IFRD1: variants seen among roughly 807,000 people sequenced by gnomAD.
The protein encoded by IFRD1 is interferon related developmental regulator 1, also known as interferon-related developmental regulator 1.
In IFRD1, 35 loss-of-function variants were observed where a neutral mutation model predicts 52.9. The ratio of observed to expected loss-of-function variants is 0.66; its 90% CI spans 0.51 to 0.88. The LOEUF (loss-of-function observed/expected upper bound fraction) is 0.88. Among genes scored for constraint, IFRD1 ranks in the 40% least tolerant of loss-of-function variants. The pLI, the probability that IFRD1 is intolerant of heterozygous loss-of-function variation, is 0.00. For synonymous variants in IFRD1, 184 were observed against 188.4 expected, an observed-to-expected ratio of 0.98 and a Z score of 0.19; for missense variants, 517 against 550.8, an observed-to-expected ratio of 0.94 and a Z score of 0.61.
chr7:112,450,429 C>T (rs1302072942), upstream of IFRD1: 9 of 526,914 alleles, frequency 1.7e-5, no homozygotes, highest in Non-Finnish European at 3.1e-5. Context: ...GGCGGTATTG[C>T]TACTTAAGGC....
chr7:112,440,916 G>A (rs1291364307), intron 1 of IFRD1, among the ~76,000 whole-genome samples: 2 of 152,130 alleles, frequency 1.3e-5, no homozygotes, highest in Admixed American at 6.5e-5. Flanking sequence ...TGGGCGGACT[G>A]TGTGAGTCCA....
chr7:112,434,265 TGAACA>T (rs1428486231), intron 1 of IFRD1, among the ~76,000 whole-genome samples: 1 of 152,140 alleles, frequency 6.6e-6, no homozygotes, highest in Non-Finnish European at 1.5e-5. Flanking sequence ...TTTTGTGCAC[TGAACA>T]TAGGTACCAA....
chr7:112,472,373 T>A (rs1410746993), intron 10 of IFRD1, 26 bp downstream of exon 10: 3 of 1,613,754 alleles, frequency 1.9e-6, no homozygotes, highest in Middle Eastern at 3.3e-4. Flanking sequence ...TCTACATATT[T>A]GCTTTTAAAG....
intron 1 of IFRD1, among the ~76,000 whole-genome samples, chr7:112,436,518 T>C (rs932700933): frequency 3.9e-5 from 6 of 152,068 alleles, no homozygotes; most frequent in Admixed American, 3.3e-4. Context: ...TCAACAAATA[T>C]TTGTTGAGTG....
At chr7:112,424,008 T>C (rs918363096) in intron 1 of IFRD1, among the ~76,000 whole-genome samples, 1 of 152,180 alleles carries the variant, frequency 6.6e-6, no homozygotes, top group Non-Finnish European at 1.5e-5. Context: ...GAAAGTGATT[T>C]ATTCCAAAGC....
upstream of IFRD1, among the ~76,000 whole-genome samples, chr7:112,448,534 G>A (rs1420940714): frequency 6.6e-6 from 1 of 152,198 alleles, no homozygotes; most frequent in Non-Finnish European, 1.5e-5. Context: ...CCCTGTCACT[G>A]AGTTGCAGTG....
rs528278676 is a variant in IFRD1 at position 112,443,534 on chromosome 7, G to C, written c.-181-6974G>C. On this transcript the variant is annotated intron_variant, in intron 1 of 12. Transcript: ENST00000005558. ...TGCAGTGAGCTGTGATGGCACCACT[G>C]TACTCCAGCCTGGATGACAGAGGGA... Among the ~76,000 whole-genome samples the C allele has an allele frequency of 8.1e-4, 122 of 151,378 alleles. 1 individual carries two copies. The highest frequency in any genetic ancestry group is 2.7e-3 in the African/African-American group (112 of 41,222).
chr7:112,464,377 T>G (rs1795557300), intron 8 of IFRD1, among the ~76,000 whole-genome samples: 1 of 136,912 alleles, frequency 7.3e-6, no homozygotes, highest in Non-Finnish European at 1.7e-5. Context: ...TATTACTCCT[T>G]TATGAGAGTT....
intron 1 of IFRD1, among the ~76,000 whole-genome samples, chr7:112,451,687 T>C (rs924558772): frequency 5.3e-5 from 8 of 152,168 alleles, no homozygotes; most frequent in Non-Finnish European, 1.0e-4. Flanking sequence ...AGGATTCCAA[T>C]TGGAATTGGA....
chr7:112,460,794 G>C (rs557315207), intron 5 of IFRD1, among the ~76,000 whole-genome samples: 1 of 152,042 alleles, frequency 6.6e-6, no homozygotes, highest in African/African-American at 2.4e-5. Flanking sequence ...ACCTGGGCCT[G>C]ATACCAATGG....
At chr7:112,454,857 GTTTTTTTTTTTTTT>G (rs398005875) in intron 1 of IFRD1, among the ~76,000 whole-genome samples, 1 of 78,810 alleles carries the variant, frequency 1.3e-5, no homozygotes, top group African/African-American at 5.0e-5. Context: ...CTTCATATCA[GTTTTTTTTTTTTTT>G]TTTTTTTTTT....
chr7:112,448,537 T>C (rs948788674), upstream of IFRD1, among the ~76,000 whole-genome samples: 2 of 152,220 alleles, frequency 1.3e-5, no homozygotes, highest in African/African-American at 4.8e-5. Context: ...TGTCACTGAG[T>C]TGCAGTGTGC....
In IFRD1 at chr7:112,475,687, A is replaced by C; in HGVS notation, c.*168A>C. On this transcript the variant is annotated 3_prime_UTR_variant, in exon 12 of 12. Transcript: ENST00000403825. ...ATACTATTGAAACTGGTGAGTTCTGATTATTAAATATTCTCTGTAAATCAG... is the reference window on the plus strand; with the variant it reads ...ATACTATTGAAACTGGTGAGTTCTGCTTATTAAATATTCTCTGTAAATCAG... The C allele has an allele frequency of 1.7e-6, 1 of 580,224 alleles. No homozygotes were observed. The highest frequency in any genetic ancestry group is 3.2e-5 in the Admixed American group (1 of 31,218). 35.9% of individuals were successfully genotyped at this position (580,224 alleles called of 1,614,324 possible). A position where few individuals can be genotyped will look rare whatever the true frequency, so the allele number is the denominator to read the frequency against.
chr7:112,449,763 C>T (rs546291997), upstream of IFRD1, among the ~76,000 whole-genome samples: 16 of 142,052 alleles, frequency 1.1e-4, no homozygotes, highest in South Asian at 1.1e-3. Context: ...TCATATATTC[C>T]TAGTCTAGAA....
intron 1 of IFRD1, among the ~76,000 whole-genome samples, chr7:112,454,533 T>C (rs1795241178): frequency 6.6e-6 from 1 of 152,166 alleles, no homozygotes; most frequent in Non-Finnish European, 1.5e-5. Flanking sequence ...GTAGAAACTT[T>C]CCCTTAAAGG....
rs2117344684 is a variant in IFRD1, at chr7:112,475,574, G to A, written c.*55G>A. On this transcript the variant is annotated 3_prime_UTR_variant, in exon 12 of 12. Coordinates refer to ENST00000403825, the MANE Select transcript of IFRD1 (RefSeq NM_001550.4). Reference sequence around the variant, plus strand: ...TTTCTATTTTTTTTTCTATTTCAATGTATTTAAACTCTAGACACAGTTTTT... The same window carrying A: ...TTTCTATTTTTTTTTCTATTTCAATATATTTAAACTCTAGACACAGTTTTT... 1 of 1,063,016 alleles carries A rather than the reference G, an allele frequency of 9.4e-7. No homozygotes were observed. The highest frequency in any genetic ancestry group is 1.4e-6 in the Non-Finnish European group (1 of 703,530). The allele number at this position is 1,063,016 out of a possible 1,614,324, so 65.8% of individuals were successfully genotyped here.
chr7:112,451,944 C>T, intron 1 of IFRD1: 1 of 907,942 alleles, frequency 1.1e-6, no homozygotes, highest in Non-Finnish European at 1.3e-6. Flanking sequence ...TTATTGGAAA[C>T]TGGCATTTAA....
upstream of IFRD1, among the ~76,000 whole-genome samples, chr7:112,445,840 G>A (rs576034634): frequency 6.6e-6 from 1 of 152,264 alleles, no homozygotes; most frequent in East Asian, 1.9e-4. Context: ...GTAGCATGTA[G>A]CTTGTATCTC....
chr7:112,465,091 A>G (rs1795573707), intron 8 of IFRD1, among the ~76,000 whole-genome samples: 1 of 152,186 alleles, frequency 6.6e-6, no homozygotes, highest in Non-Finnish European at 1.5e-5. Flanking sequence ...GCTGGAGTGC[A>G]GTGGCAAGAT....
Sources: allele counts gnomAD v4.1 joint callset (sites outside exome capture counted in the v4.1 genomes callset), GRCh38; gene constraint gnomAD v4.1.1; transcripts MANE v1.5; gene names NCBI Gene and HGNC (gene_info 2026-07-23, HGNC 2026-07-21).